Variants in TLE6 observed in about 807,000 individuals in gnomAD.
TLE6 encodes the protein transducin-like enhancer protein 6.
TLE6 carries 72 observed loss-of-function variants against 77.1 expected under a neutral mutation model. That is an observed-to-expected ratio of 0.93 (90% CI 0.77 to 1.14). The LOEUF (loss-of-function observed/expected upper bound fraction) is 1.14. TLE6 is among the 50% of genes most tolerant of loss of function. TLE6 has a pLI of 0.00. For synonymous variants in TLE6, 366 were observed against 287.3 expected (o/e 1.27, Z -2.77); for missense variants, 843 against 747.6 (o/e 1.13, Z -1.49).
At chr19:2,982,069 G>GGT (rs2088809194) in intron 4 of TLE6, 79 bp from the exon 5 acceptor site, 7 of 1,459,754 alleles carry the variant, frequency 4.8e-6, no homozygotes, top group South Asian at 1.2e-5. Context: ...GGGCCAGAGA[G>GGT]GTAGAGCAGC....
intron 14 of TLE6, among the ~76,000 whole-genome samples, chr19:2,992,487 T>C (rs1306396664): frequency 6.6e-6 from 1 of 151,406 alleles, no homozygotes; most frequent in East Asian, 2.0e-4. Flanking sequence ...ACAAATGAGG[T>C]TGGCCAGGCA....
rs1428210928 is a variant in TLE6 at position 2,991,929 on chromosome 19, G to A, written c.1331G>A (p.Arg444Gln). 11 of 1,613,834 alleles carry A rather than the reference G, an allele frequency of 6.8e-6. No homozygotes were observed. Among genetic ancestry groups the A allele is most frequent in the African/African-American group, 2.7e-5 (2 of 74,868 alleles). Residue 444 changes from arginine (R) to glutamine (Q), a missense_variant, in exon 14 of 17, where the codon CGG becomes CAG. Coordinates refer to ENST00000246112, the MANE Select transcript of TLE6 (RefSeq NM_001143986.2). ...ACTGGGGGTCCGGATGCCTGTCTGC[G>A]GTGCTGGGACCAGAGGACCATCATG... ...IWTGGPDACL[R>Q]CWDQRTIMKP... is the part of the protein sequence containing the mutation.
chr19:2,993,370 C>A, intron 14 of TLE6, 62 bp from the exon 15 acceptor site: 1 of 1,531,314 alleles, frequency 6.5e-7, no homozygotes, highest in South Asian at 1.2e-5. Flanking sequence ...AGGCTCCTGC[C>A]TGCTTCCTGG....
intron 3 of TLE6, 106 bp from the exon 4 acceptor site, chr19:2,981,432 C>A: frequency 7.9e-7 from 1 of 1,263,378 alleles, no homozygotes. Context: ...GGAGCCAGTG[C>A]CTTCCAGCTT....
At position 2,987,705 on chromosome 19, in the gene TLE6, A is replaced by G; in HGVS notation, c.559-19A>G. ...AACAGGCAGGTCAGCAGGCCTGATG[A>G]GACTTTTCCATTTTCCAGGGGCAGG... On this transcript the variant is annotated intron_variant, in intron 8 of 16. Transcript: ENST00000246112. 1 of 1,613,988 alleles carries G rather than the reference A, an allele frequency of 6.2e-7. No homozygotes were observed. Among genetic ancestry groups the G allele is most frequent in the Non-Finnish European group, 8.5e-7 (1 of 1,179,942 alleles).
chr19:2,978,778 CAT>C (rs940646614), intron 2 of TLE6, among the ~76,000 whole-genome samples: 6 of 152,182 alleles, frequency 3.9e-5, no homozygotes, highest in African/African-American at 1.2e-4. Flanking sequence ...CATCTAATCA[CAT>C]ATGTGATAAA....
chr19:2,990,535 C>T (rs1044611735), intron 13 of TLE6, among the ~76,000 whole-genome samples: 18 of 149,822 alleles, frequency 1.2e-4, no homozygotes, highest in Non-Finnish European at 2.4e-4. Context: ...ACCCGGGAGG[C>T]GGAGCTTGCG....
In TLE6 at chr19:2,993,548, C is replaced by T. The variant is rs2089134997; in HGVS notation, c.1503C>T (p.Asp501=). ...GSQRHMVGQK[D]SVILSVKFSP... is the part of the protein sequence containing the mutation. ...AGCGGCACATGGTGGGGCAAAAAGA[C>T]AGCGTCATCCTGAGCGTCAAGTTCT... Residue 501 remains aspartate (D), a synonymous_variant, in exon 15 of 17, where the codon GAC becomes GAT. Coordinates refer to ENST00000246112, the MANE Select transcript of TLE6 (RefSeq NM_001143986.2). 1.1e-5 allele frequency: 18 copies of T among 1,583,328 alleles called. No homozygotes were observed. The highest frequency in any genetic ancestry group is 1.5e-5 in the Non-Finnish European group (17 of 1,157,624).
At chr19:2,983,063 C>T (rs1182988396) in intron 5 of TLE6, among the ~76,000 whole-genome samples, 2 of 152,152 alleles carry the variant, frequency 1.3e-5, no homozygotes, top group Admixed American at 1.3e-4. Context: ...TTCTCCCAGG[C>T]GCTGGCAGGA....
At position 2,987,754 on chromosome 19, in the gene TLE6, G is replaced by T; in HGVS notation, c.589G>T (p.Asp197Tyr). The change falls in exon 9 of 17, where the codon GAC becomes TAC. Residue 197 changes from aspartate to tyrosine, a missense_variant. By Grantham distance (160) the Asp-to-Tyr change is radical. Transcript: ENST00000246112. ...GQESKAPGSC[D>Y]PGTDPCPEDA... Reference sequence around the variant, plus strand: ...GGAAAGCAAGGCACCAGGATCCTGTGACCCAGGAACAGACCCATGTCCTGA... The same window carrying T: ...GGAAAGCAAGGCACCAGGATCCTGTTACCCAGGAACAGACCCATGTCCTGA... The T allele has an allele frequency of 8.1e-6, 13 of 1,614,128 alleles. No individual in the cohort carries two copies. The highest frequency in any genetic ancestry group is 1.1e-5 in the Non-Finnish European group (13 of 1,180,024).
At chr19:2,983,264 A>G (rs1252642078) in intron 5 of TLE6, among the ~76,000 whole-genome samples, 1 of 152,172 alleles carries the variant, frequency 6.6e-6, no homozygotes, top group Non-Finnish European at 1.5e-5. Context: ...AAGCCAGGAA[A>G]ATAGCAAAGA....
chr19:2,989,094 G>T lies in TLE6; in HGVS notation c.774G>T (p.Trp258Cys). ...SWDPEDFEDA[W>C]KRPDALPGQS... ...ACCCTGAGGACTTTGAAGATGCATG[G>T]AAGAGGCCAGATGCCTTGCCCGGGC... The change falls in exon 12 of 17, where the codon TGG becomes TGT. Residue 258 changes from tryptophan (W) to cysteine (C), a missense_variant. Physicochemically the swap from Trp to Cys is radical, Grantham distance 215. Coordinates refer to ENST00000246112, the MANE Select transcript of TLE6 (RefSeq NM_001143986.2). 6.2e-7 allele frequency: 1 copy of T among 1,614,126 alleles called. No homozygotes were observed.
chr19:2,987,504 G>GCA, intron 8 of TLE6, 132 bp downstream of exon 8: 1 of 1,375,258 alleles, frequency 7.3e-7, no homozygotes, highest in South Asian at 1.2e-5. Context: ...TCCCCCGGGG[G>GCA]GGACTTGGGT....
Position 2,994,112 on chromosome 19 carries a change from G to C in TLE6, c.1614+17G>C. ...GTGTTCGAGGTACTGCGGTGGGCTG[G>C]GGGCAGGACCCGGGGGTGGCCCCAA... On this transcript the variant is annotated intron_variant, in intron 16 of 16. Transcript: ENST00000246112. 1 of 1,591,412 alleles carries C rather than the reference G, an allele frequency of 6.3e-7. No homozygotes were observed. The highest frequency in any genetic ancestry group is 8.5e-7 in the Non-Finnish European group (1 of 1,170,242).
intron 14 of TLE6, among the ~76,000 whole-genome samples, chr19:2,992,821 G>A (rs1247554393): frequency 8.9e-6 from 1 of 111,772 alleles, no homozygotes; most frequent in Non-Finnish European, 1.9e-5. Context: ...GGGGGGGGGA[G>A]GATGAACTCT....
chr19:2,990,502 G>C (rs10409387), intron 13 of TLE6, among the ~76,000 whole-genome samples: 39,835 of 150,190 alleles, frequency 0.27, 6,788 homozygotes, highest in African/African-American at 0.49. Context: ...TACTCGGGAG[G>C]CTGAGGCAGG....
chr19:2,995,055 T>TTCCCCCCCCC lies in TLE6; in HGVS notation c.*52_*61dup. 1 of 937,048 alleles carries TTCCCCCCCCC rather than the reference T, an allele frequency of 1.1e-6. No individual in the cohort carries two copies. The highest frequency in any genetic ancestry group is 1.5e-6 in the Non-Finnish European group (1 of 652,084). 58.0% of individuals were successfully genotyped at this position (937,048 alleles called of 1,614,324 possible). ...CCGGCTCCTCTTTTCATCCCCCCCCTTCCCCCCCCCCAACAAGGGGGACAT... is the reference window on the plus strand; with the variant it reads ...CCGGCTCCTCTTTTCATCCCCCCCCTTCCCCCCCCCTCCCCCCCCCCAACAAGGGGGACAT... On this transcript the variant is annotated 3_prime_UTR_variant, in exon 17 of 17. Coordinates refer to ENST00000246112, the MANE Select transcript of TLE6 (RefSeq NM_001143986.2).
intron 5 of TLE6, among the ~76,000 whole-genome samples, chr19:2,985,884 C>T (rs568941995): frequency 1.4e-4 from 21 of 145,696 alleles, no homozygotes; most frequent in African/African-American, 3.5e-4. Flanking sequence ...AAGACCAGCC[C>T]GGCCAACATG....
chr19:2,995,019 GTCATCCCACTCCGGCTCCTCTTT>G lies in TLE6; in HGVS notation c.*23_*45del. On this transcript the variant is annotated 3_prime_UTR_variant, in exon 17 of 17. Transcript: ENST00000246112. The stretch of plus-strand genomic sequence containing the variant: ...TCACCTACTGAGGGGCCTCGCTGCT[GTCATCCCACTCCGGCTCCTCTTT>G]TCATCCCCCCCCTTCCCCCCCCCCA... 1 of 1,531,800 alleles carries G rather than the reference GTCATCCCACTCCGGCTCCTCTTT, an allele frequency of 6.5e-7. No homozygotes were observed. Among genetic ancestry groups the G allele is most frequent in the Non-Finnish European group, 8.9e-7 (1 of 1,121,456 alleles). The allele number at this position is 1,531,800 out of a possible 1,614,324, so 94.9% of individuals were successfully genotyped here. A position where few individuals can be genotyped will look rare whatever the true frequency, so the allele number is the denominator to read the frequency against.
Sources: allele counts gnomAD v4.1 joint callset (sites outside exome capture counted in the v4.1 genomes callset), GRCh38; gene constraint gnomAD v4.1.1; transcripts MANE v1.5; gene names NCBI Gene and HGNC (gene_info 2026-07-23, HGNC 2026-07-21).